DGKB: variants seen among roughly 807,000 people sequenced by gnomAD.
DGKB encodes the protein diacylglycerol kinase beta.
A neutral mutation model predicts 114.3 loss-of-function variants in DGKB; 67 were observed. The ratio of observed to expected loss-of-function variants is 0.59; its 90% confidence interval spans 0.48 to 0.72. The LOEUF is 0.72. Among genes scored for constraint, DGKB ranks in the 30% least tolerant of loss-of-function variants. The pLI, the probability that DGKB is intolerant of heterozygous loss-of-function variation, is 0.00. For synonymous variants in DGKB, 398 were observed against 323.1 expected (o/e 1.23, Z -2.49); for missense variants, 907 against 975.2 (o/e 0.93, Z 0.93).
At chr7:14,645,623 A>G (rs1812809214) in intron 13 of DGKB, among the ~76,000 whole-genome samples, 1 of 152,102 alleles carries the variant, frequency 6.6e-6, no homozygotes, top group Non-Finnish European at 1.5e-5. Context: ...GGGAGTCCCC[A>G]TTAGACTAAC....
At chr7:14,899,647 C>G (rs1587312155) in intron 1 of DGKB, among the ~76,000 whole-genome samples, 1 of 152,098 alleles carries the variant, frequency 6.6e-6, no homozygotes, top group Non-Finnish European at 1.5e-5. Context: ...TCCCCATGTT[C>G]ATTTTCAGAG....
chr7:14,647,480 A>G (rs950118812), intron 13 of DGKB, among the ~76,000 whole-genome samples: 9 of 152,236 alleles, frequency 5.9e-5, no homozygotes, highest in African/African-American at 1.7e-4. Context: ...AATTCACTTT[A>G]TAAGTACAGC....
At chr7:14,656,795 T>C (rs1372068331) in intron 13 of DGKB, among the ~76,000 whole-genome samples, 3 of 150,782 alleles carry the variant, frequency 2.0e-5, no homozygotes, top group Non-Finnish European at 4.4e-5. Context: ...ATGGTATATA[T>C]ATACATATCC....
At chr7:14,502,036 G>A (rs967192448) in intron 20 of DGKB, among the ~76,000 whole-genome samples, 5 of 151,936 alleles carry the variant, frequency 3.3e-5, no homozygotes, top group African/African-American at 1.2e-4. Context: ...CTCAATAGTA[G>A]CTGCCATTAT....
chr7:14,796,113 C>A (rs959658821), intron 2 of DGKB, among the ~76,000 whole-genome samples: 1 of 152,108 alleles, frequency 6.6e-6, no homozygotes, highest in African/African-American at 2.4e-5. Context: ...GGTGAAATCA[C>A]TGATGCTTTA....
intron 20 of DGKB, among the ~76,000 whole-genome samples, chr7:14,521,074 T>A (rs372741740): frequency 1.3e-5 from 2 of 152,140 alleles, no homozygotes; most frequent in East Asian, 3.9e-4. Flanking sequence ...AGGAATTTTT[T>A]TGTATTGTCC....
At chr7:14,914,023 G>A (rs933811401) in intron 1 of DGKB, among the ~76,000 whole-genome samples, 1 of 152,074 alleles carries the variant, frequency 6.6e-6, no homozygotes, top group Non-Finnish European at 1.5e-5. Flanking sequence ...GGTGAAGACT[G>A]GAGAAAAATT....
At chr7:14,290,340 A>G (rs1801567980) in intron 23 of DGKB, among the ~76,000 whole-genome samples, 1 of 152,150 alleles carries the variant, frequency 6.6e-6, no homozygotes, top group African/African-American at 2.4e-5. Flanking sequence ...CAATTTGCTT[A>G]TCTAGTGTAG....
intron 4 of DGKB, among the ~76,000 whole-genome samples, chr7:14,751,607 A>G (rs1203029300): frequency 6.6e-6 from 1 of 152,198 alleles, no homozygotes; most frequent in Non-Finnish European, 1.5e-5. Flanking sequence ...AGCACCATGC[A>G]GTTGTAGGAA....
chr7:14,928,893 A>T (rs1784870314), intron 1 of DGKB, among the ~76,000 whole-genome samples: 1 of 151,950 alleles, frequency 6.6e-6, no homozygotes, highest in Non-Finnish European at 1.5e-5. Flanking sequence ...TGTACATATT[A>T]TCTAGCTCTA....
intron 2 of DGKB, among the ~76,000 whole-genome samples, chr7:14,783,522 T>A (rs2128492280): frequency 6.6e-6 from 1 of 152,336 alleles, no homozygotes; most frequent in East Asian, 1.9e-4. Context: ...TTCATCCTGC[T>A]TTCGCTGCCT....
At chr7:14,533,110 A>G (rs1389059702) in intron 20 of DGKB, among the ~76,000 whole-genome samples, 1 of 151,882 alleles carries the variant, frequency 6.6e-6, no homozygotes, top group African/African-American at 2.4e-5. Flanking sequence ...ACTAAAAGAG[A>G]ACACAGATAG....
chr7:14,561,888 G>C (rs1346402851), intron 20 of DGKB, among the ~76,000 whole-genome samples: 3 of 152,218 alleles, frequency 2.0e-5, no homozygotes. Flanking sequence ...GTAACAAGGA[G>C]CCCAATGTTA....
At chr7:14,969,214 T>C (rs947763583) in intron 1 of DGKB, among the ~76,000 whole-genome samples, 1 of 152,170 alleles carries the variant, frequency 6.6e-6, no homozygotes, top group Non-Finnish European at 1.5e-5. Context: ...CTTCATACTT[T>C]CAGATCTTGC....
chr7:14,747,402 T>C (rs1333318917), intron 4 of DGKB, among the ~76,000 whole-genome samples: 2 of 151,960 alleles, frequency 1.3e-5, no homozygotes, highest in African/African-American at 4.8e-5. Flanking sequence ...TTTCAATTCA[T>C]TGAGAAATGT....
At chr7:14,499,188 C>T (rs1018216921) in intron 20 of DGKB, among the ~76,000 whole-genome samples, 3 of 151,554 alleles carry the variant, frequency 2.0e-5, no homozygotes, top group African/African-American at 4.8e-5. Flanking sequence ...TAGTCCCAAA[C>T]TTCTATATGT....
At chr7:14,947,635 ATGTGTGTCTC>A (rs1272454740) in intron 1 of DGKB, among the ~76,000 whole-genome samples, 1 of 142,826 alleles carries the variant, frequency 7.0e-6, no homozygotes, top group Non-Finnish European at 1.5e-5. Context: ...GAAAGTTTTT[ATGTGTGTCTC>A]TGTGTGTAGG....
intron 17 of DGKB, among the ~76,000 whole-genome samples, chr7:14,603,715 G>A (rs1206669418): frequency 1.3e-5 from 2 of 152,122 alleles, no homozygotes; most frequent in South Asian, 4.1e-4. Context: ...ATTTCTAAGA[G>A]CAGCTTTCTC....
rs560921713 is a variant in DGKB at position 14,433,898 on chromosome 7, A to C, written c.1835+44263T>G. Among the ~76,000 whole-genome samples, 5 of 152,322 alleles carry C rather than the reference A, an allele frequency of 3.3e-5. No homozygotes were observed. The South Asian group carries it at 6.2e-4, about 19-fold the overall frequency. On this transcript the variant is annotated intron_variant, in intron 21 of 25. Coordinates refer to ENST00000402815, the MANE Select transcript of DGKB (RefSeq NM_001350709.2). The stretch of plus-strand genomic sequence containing the variant: ...TACACCTTACACTCATAGCCCAAAG[A>C]TAATTTTATAAAATATTTTAATGAT...
Sources: gnomAD v4.1 joint callset for allele counts (sites outside exome capture counted in the v4.1 genomes callset) on GRCh38, gnomAD v4.1.1 for gene constraint, MANE v1.5 for transcripts, NCBI Gene and HGNC (gene_info 2026-07-23, HGNC 2026-07-21) for gene names.